The following OCA2 variants were observed in gnomAD, a reference collection of about 807,000 sequenced individuals.
The protein encoded by OCA2 is P protein.
In OCA2, 77 loss-of-function variants were observed where a neutral mutation model predicts 100.2. The observed-to-expected ratio is 0.77, with a 90% CI of 0.64 to 0.93. OCA2 has a LOEUF of 0.93. OCA2 is among the 40% of genes least tolerant of loss of function. The pLI is 0.00. For synonymous variants in OCA2, 432 were observed against 439.2 expected (o/e 0.98, Z 0.21); for missense variants, 1,062 against 1,089.1 (o/e 0.98, Z 0.35).
intron 23 of OCA2, among the ~76,000 whole-genome samples, chr15:27,832,103 T>C (rs867657054): frequency 2.6e-5 from 4 of 152,312 alleles, no homozygotes; most frequent in Admixed American, 6.5e-5. Context: ...AACTGCGGAC[T>C]GGAACATACT....
intron 3 of OCA2, among the ~76,000 whole-genome samples, chr15:28,029,306 T>C (rs568709951): frequency 1.3e-4 from 20 of 152,252 alleles, no homozygotes; most frequent in Admixed American, 5.9e-4. Context: ...ACTTTGAAAA[T>C]AGTCGATAAT....
intron 23 of OCA2, among the ~76,000 whole-genome samples, chr15:27,759,429 T>C (rs1309844607): frequency 6.6e-6 from 1 of 152,176 alleles, no homozygotes; most frequent in Non-Finnish European, 1.5e-5. Flanking sequence ...TTTTAAATTA[T>C]GTTTGATGGT....
chr15:27,823,432 C>CAGTTATTT (rs2034581767), intron 23 of OCA2, among the ~76,000 whole-genome samples: 1 of 152,124 alleles, frequency 6.6e-6, no homozygotes, highest in Non-Finnish European at 1.5e-5. Context: ...GTTATAACTG[C>CAGTTATTT]AGTTATTTAA....
At chr15:27,872,471 C>A (rs549992484) in intron 19 of OCA2, among the ~76,000 whole-genome samples, 1 of 152,064 alleles carries the variant, frequency 6.6e-6, no homozygotes, top group East Asian at 1.9e-4. Flanking sequence ...GAAGATGAGA[C>A]GCAGGAGCCT....
intron 19 of OCA2, among the ~76,000 whole-genome samples, chr15:27,918,126 C>T (rs112130965): frequency 7.4e-6 from 1 of 135,654 alleles, no homozygotes. Context: ...CAGAGTCTCA[C>T]TCTGTCACCT....
chr15:27,901,467 C>T (rs1488692852), intron 19 of OCA2, among the ~76,000 whole-genome samples: 1 of 152,216 alleles, frequency 6.6e-6, no homozygotes, highest in East Asian at 1.9e-4. Context: ...CTAGAGCTCC[C>T]ATCTCCCCTT....
At chr15:27,930,010 G>A (rs2039188599) in intron 18 of OCA2, among the ~76,000 whole-genome samples, 1 of 152,070 alleles carries the variant, frequency 6.6e-6, no homozygotes, top group Non-Finnish European at 1.5e-5. Flanking sequence ...GGAGATGAAG[G>A]AACAGGAACT....
At chr15:27,748,042 C>A in the OCA2 span, among the ~76,000 whole-genome samples, 1 of 152,176 alleles carries the variant, frequency 6.6e-6, no homozygotes, top group South Asian at 2.1e-4. Flanking sequence ...CCTGGCCCAG[C>A]CTAGCTACAG....
intron 2 of OCA2, among the ~76,000 whole-genome samples, chr15:28,040,835 C>A (rs1028947981): frequency 2.0e-5 from 3 of 152,006 alleles, no homozygotes; most frequent in African/African-American, 7.2e-5. Flanking sequence ...AAGATTGAAT[C>A]AGTAATCAAA....
chr15:27,936,617 T>C (rs2039461943), intron 18 of OCA2, among the ~76,000 whole-genome samples: 1 of 152,152 alleles, frequency 6.6e-6, no homozygotes, highest in Non-Finnish European at 1.5e-5. Flanking sequence ...GATTCAATCC[T>C]CACAGCAATT....
Position 27,771,272 on chromosome 15 carries a change from G to A in OCA2, c.2433-15800C>T, listed in dbSNP as rs557737063. On this transcript the variant is annotated intron_variant, in intron 23 of 23. Transcript: ENST00000354638. Reference sequence around the variant, plus strand: ...AGCAAATCGCCCCACTCTCCACCGCGGTCCCGCCAAGGTCACAGCGCTACT... The same window carrying A: ...AGCAAATCGCCCCACTCTCCACCGCAGTCCCGCCAAGGTCACAGCGCTACT... 1.8e-4 allele frequency among the ~76,000 whole-genome samples: 28 copies of A among 151,990 alleles called. 2 individuals are homozygous for A. In the South Asian group the frequency reaches 3.3e-3, roughly 18 times the overall value.
chr15:27,815,780 A>C (rs928177035), intron 23 of OCA2, among the ~76,000 whole-genome samples: 12 of 152,248 alleles, frequency 7.9e-5, no homozygotes, highest in Non-Finnish European at 1.5e-4. Flanking sequence ...AAACAAAACA[A>C]AAACAAGGTG....
At chr15:27,936,986 C>T (rs183170851) in intron 18 of OCA2, among the ~76,000 whole-genome samples, 3 of 152,150 alleles carry the variant, frequency 2.0e-5, no homozygotes, top group East Asian at 1.9e-4. Flanking sequence ...AGGCCAGTGG[C>T]GGGGGAGGGG....
At chr15:27,774,465 G>A (rs1005533141) in intron 23 of OCA2, among the ~76,000 whole-genome samples, 24 of 152,162 alleles carry the variant, frequency 1.6e-4, no homozygotes, top group Admixed American at 1.4e-3. Flanking sequence ...CTGGTCCCTC[G>A]GAAGGTACCT....
intron 23 of OCA2, among the ~76,000 whole-genome samples, chr15:27,795,325 T>C (rs1292151690): frequency 6.6e-6 from 1 of 152,220 alleles, no homozygotes; most frequent in African/African-American, 2.4e-5. Flanking sequence ...CATGTTTTTG[T>C]GTCTTTCTCT....
intron 21 of OCA2, among the ~76,000 whole-genome samples, chr15:27,866,364 G>A (rs916573444): frequency 1.3e-5 from 2 of 152,208 alleles, no homozygotes; most frequent in African/African-American, 2.4e-5. Context: ...GGTCTGGCAG[G>A]AGGGAGGTGC....
chr15:27,950,029 TA>T (rs952592517), intron 18 of OCA2, among the ~76,000 whole-genome samples: 1 of 151,986 alleles, frequency 6.6e-6, no homozygotes, highest in Admixed American at 6.6e-5. Flanking sequence ...AGACATTTTG[TA>T]AAAAAAACGT....
the OCA2 span, among the ~76,000 whole-genome samples, chr15:27,749,688 C>T: frequency 9.2e-5 from 14 of 151,998 alleles, no homozygotes; most frequent in South Asian, 2.1e-4. Flanking sequence ...CATTTCTACA[C>T]GTTAATTATG....
chr15:27,992,791 GCTAA>G (rs1394689807), intron 9 of OCA2, among the ~76,000 whole-genome samples: 3 of 152,138 alleles, frequency 2.0e-5, no homozygotes, highest in Admixed American at 2.0e-4. Context: ...TAACCTTTGG[GCTAA>G]CTTTGTCTGG....
Sources: gnomAD v4.1 joint callset for allele counts (sites outside exome capture counted in the v4.1 genomes callset) on GRCh38, gnomAD v4.1.1 for gene constraint, MANE v1.5 for transcripts, NCBI Gene and HGNC (gene_info 2026-07-23, HGNC 2026-07-21) for gene names.